The following THSD4 variants were observed in gnomAD, a reference collection of about 807,000 sequenced individuals.
The protein encoded by THSD4 is thrombospondin type-1 domain-containing protein 4.
THSD4 carries 69 observed loss-of-function variants against 119.0 expected under a neutral mutation model. The observed-to-expected ratio is 0.58, with a 90% CI of 0.48 to 0.71. THSD4 has a LOEUF of 0.71. THSD4 is among the 30% of genes least tolerant of loss of function. The pLI is 0.00. For missense variants in THSD4, 1,393 were observed against 1,391.1 expected (o/e 1.00, Z -0.02); for synonymous variants, 524 against 540.4 (o/e 0.97, Z 0.42).
intron 7 of THSD4, among the ~76,000 whole-genome samples, chr15:71,519,202 G>T (rs1462896853): frequency 6.6e-6 from 1 of 152,100 alleles, no homozygotes; most frequent in Non-Finnish European, 1.5e-5. Flanking sequence ...TGAGTGCCAT[G>T]TCTTTCAGGA....
chr15:71,328,394 C>G (rs1352962229), intron 6 of THSD4, among the ~76,000 whole-genome samples: 1 of 152,196 alleles, frequency 6.6e-6, no homozygotes, highest in East Asian at 1.9e-4. Context: ...GCTTTGCCCT[C>G]CCTTTCCTAC....
intron 3 of THSD4, among the ~76,000 whole-genome samples, chr15:71,169,900 A>G (rs1441245105): frequency 6.6e-6 from 1 of 152,116 alleles, no homozygotes; most frequent in Admixed American, 6.5e-5. Flanking sequence ...ATGGCCAGGC[A>G]TGGTGGCTCA....
intron 7 of THSD4, among the ~76,000 whole-genome samples, chr15:71,587,802 A>AAAAAAAAAAAG (rs2049709744): frequency 8.4e-6 from 1 of 118,556 alleles, no homozygotes; most frequent in African/African-American, 3.3e-5. Flanking sequence ...AAAAAAAAGA[A>AAAAAAAAAAAG]AAAAAAAAAA....
At chr15:71,595,755 C>A (rs966653260) in intron 7 of THSD4, among the ~76,000 whole-genome samples, 1 of 152,182 alleles carries the variant, frequency 6.6e-6, no homozygotes, top group Non-Finnish European at 1.5e-5. Context: ...AACTCCATCA[C>A]CCCAAGATCT....
At chr15:71,630,858 C>T (rs190389264) in intron 7 of THSD4, among the ~76,000 whole-genome samples, 3 of 152,184 alleles carry the variant, frequency 2.0e-5, no homozygotes, top group African/African-American at 4.8e-5. Context: ...TGGCTCCTCA[C>T]GGCAAAGGTT....
chr15:71,649,547 G>A lies in THSD4; in HGVS notation c.1153-10983G>A, dbSNP rs547540951. Among the ~76,000 whole-genome samples, 54 of 152,318 alleles carry A rather than the reference G, an allele frequency of 3.5e-4. No homozygotes were observed. In the South Asian group the frequency reaches 9.5e-3, roughly 27 times the overall value. On this transcript the variant is annotated intron_variant, in intron 7 of 17. Coordinates refer to ENST00000261862, the MANE Select transcript of THSD4 (RefSeq NM_024817.3). ...CTACCTCAGCCTCCCAAATTGCTAGGATTACAGGCATGAGCCGTGCACCAG... is the reference window on the plus strand; with the variant it reads ...CTACCTCAGCCTCCCAAATTGCTAGAATTACAGGCATGAGCCGTGCACCAG...
In THSD4 at chr15:71,420,187, G is replaced by A. The variant is rs181055670; in HGVS notation, c.1152+8364G>A. Among the ~76,000 whole-genome samples the A allele has an allele frequency of 1.6e-4, 17 of 107,978 alleles. 5 individuals carry two copies. The East Asian group carries it at 5.2e-3, about 33-fold the overall frequency. The allele number at this position is 107,978 out of a possible 152,430, so 70.8% of individuals were successfully genotyped here. ...GTTGGGTGCATATATATTTACAGTT[G>A]TTAAATCCTCTTGCTGAATTGACTC... On this transcript the variant is annotated intron_variant, in intron 7 of 17. Coordinates refer to ENST00000261862, the MANE Select transcript of THSD4 (RefSeq NM_024817.3).
chr15:71,271,247 A>T (rs925092719), intron 6 of THSD4, among the ~76,000 whole-genome samples: 3 of 152,196 alleles, frequency 2.0e-5, no homozygotes, highest in Admixed American at 1.3e-4. Flanking sequence ...GAGACTGAAT[A>T]AAAAAATTGT....
intron 7 of THSD4, among the ~76,000 whole-genome samples, chr15:71,571,532 A>G (rs994636621): frequency 6.6e-6 from 1 of 152,196 alleles, no homozygotes; most frequent in African/African-American, 2.4e-5. Flanking sequence ...CCACTGCATT[A>G]AGGCAAGGTC....
At chr15:71,106,326 G>GTAT (rs2040274053) in intron 1 of THSD4, among the ~76,000 whole-genome samples, 1 of 152,120 alleles carries the variant, frequency 6.6e-6, no homozygotes. Context: ...CCATTCCTGA[G>GTAT]TATTCTCCAC....
chr15:71,151,996 A>G lies in THSD4; in HGVS notation c.30-2867A>G, dbSNP rs561149269. ...TGTTTCCGTCATCATAGAAAACTCT[A>G]TTGGACAGTGCTGCTCTAGATCCTC... On this transcript the variant is annotated intron_variant, in intron 2 of 17. Transcript: ENST00000261862. Among the ~76,000 whole-genome samples the G allele has an allele frequency of 7.0e-4, 106 of 152,286 alleles. 1 individual carries two copies. The highest frequency in any genetic ancestry group is 1.0e-3 in the Non-Finnish European group (70 of 68,024).
chr15:71,381,636 A>G (rs2046230267), intron 6 of THSD4, among the ~76,000 whole-genome samples: 1 of 152,210 alleles, frequency 6.6e-6, no homozygotes, highest in African/African-American at 2.4e-5. Context: ...TGGATGACAA[A>G]AGACTTAACA....
intron 7 of THSD4, among the ~76,000 whole-genome samples, chr15:71,437,502 T>G (rs980268628): frequency 3.3e-5 from 5 of 152,182 alleles, no homozygotes; most frequent in Non-Finnish European, 1.5e-5. Flanking sequence ...GTGTGGACTT[T>G]AGGAAGATAA....
chr15:71,402,760 TG>T (rs538117897), intron 6 of THSD4, among the ~76,000 whole-genome samples: 2 of 152,218 alleles, frequency 1.3e-5, no homozygotes, highest in Non-Finnish European at 1.5e-5. Flanking sequence ...TCCTAACTGC[TG>T]GGGGGTGTGA....
At chr15:71,438,857 A>T (rs1326097043) in intron 7 of THSD4, among the ~76,000 whole-genome samples, 1 of 152,228 alleles carries the variant, frequency 6.6e-6, no homozygotes, top group East Asian at 1.9e-4. Flanking sequence ...CATCACTTGG[A>T]AAAGCCACCT....
chr15:71,271,775 A>G (rs1409893816), intron 6 of THSD4, among the ~76,000 whole-genome samples: 1 of 152,188 alleles, frequency 6.6e-6, no homozygotes, highest in Non-Finnish European at 1.5e-5. Flanking sequence ...AACTATTCTA[A>G]GGCTTTCTAG....
At chr15:71,519,186 G>A (rs1324890387) in intron 7 of THSD4, among the ~76,000 whole-genome samples, 7 of 152,070 alleles carry the variant, frequency 4.6e-5, no homozygotes, top group Admixed American at 3.9e-4. Context: ...AAGGCCCTGG[G>A]GTGATTGAGT....
At chr15:71,599,036 T>G (rs1241495968) in intron 7 of THSD4, among the ~76,000 whole-genome samples, 1 of 152,216 alleles carries the variant, frequency 6.6e-6, no homozygotes, top group Non-Finnish European at 1.5e-5. Context: ...CCGACCTTTT[T>G]TCCCCCTCTG....
intron 5 of THSD4, among the ~76,000 whole-genome samples, chr15:71,246,591 C>A (rs376914567): frequency 1.6e-4 from 24 of 152,234 alleles, no homozygotes; most frequent in Admixed American, 9.2e-4. Flanking sequence ...TTTATGTCTT[C>A]CGATGTGCAT....
Sources: gnomAD v4.1 joint callset for allele counts (sites outside exome capture counted in the v4.1 genomes callset) on GRCh38, gnomAD v4.1.1 for gene constraint, MANE v1.5 for transcripts, NCBI Gene and HGNC (gene_info 2026-07-23, HGNC 2026-07-21) for gene names.